The following FOXN3 variants were observed in gnomAD, a reference collection of about 807,000 sequenced individuals.
The protein encoded by FOXN3 is forkhead box protein N3.
Under a neutral mutation model 38.4 loss-of-function variants are expected in FOXN3, and 7 were observed. The ratio of observed to expected loss-of-function variants is 0.18; its 90% CI spans 0.10 to 0.34. The LOEUF is 0.34. FOXN3 is among the 10% of genes least tolerant of loss of function. The pLI, the probability that FOXN3 is intolerant of heterozygous loss-of-function variation, is 1.00. For missense variants in FOXN3, 456 were observed against 613.4 expected (o/e 0.74, Z 2.71); for synonymous variants, 230 against 242.2 (o/e 0.95, Z 0.47).
At chr14:89,450,088 C>T (rs1892585174) in intron 1 of FOXN3, among the ~76,000 whole-genome samples, 1 of 152,190 alleles carries the variant, frequency 6.6e-6, no homozygotes, top group Non-Finnish European at 1.5e-5. Flanking sequence ...AATGGCCCAT[C>T]CGCTCCATTT....
At chr14:89,549,205 G>T (rs1478518304) in intron 1 of FOXN3, among the ~76,000 whole-genome samples, 1 of 146,036 alleles carries the variant, frequency 6.8e-6, no homozygotes, top group Non-Finnish European at 1.5e-5. Context: ...CTCATGTGTT[G>T]TTTGAAAGGC....
At chr14:89,510,071 T>A (rs1433058527) in intron 1 of FOXN3, among the ~76,000 whole-genome samples, 2 of 152,146 alleles carry the variant, frequency 1.3e-5, no homozygotes, top group African/African-American at 4.8e-5. Flanking sequence ...CGGATAGATA[T>A]CAGCAGGCAG....
chr14:89,180,047 G>A (rs567541304), intron 5 of FOXN3, among the ~76,000 whole-genome samples: 9 of 152,342 alleles, frequency 5.9e-5, no homozygotes, highest in Middle Eastern at 3.4e-3. Context: ...AGCAGCTGGC[G>A]GATGGGAGGA....
At chr14:89,283,428 C>T (rs1313672377) in intron 3 of FOXN3, among the ~76,000 whole-genome samples, 1 of 152,142 alleles carries the variant, frequency 6.6e-6, no homozygotes, top group Non-Finnish European at 1.5e-5. Context: ...TGATTTTTTC[C>T]CCCCTCCATC....
intron 4 of FOXN3, among the ~76,000 whole-genome samples, chr14:89,213,175 C>A (rs1470037530): frequency 6.6e-6 from 1 of 152,224 alleles, no homozygotes; most frequent in African/African-American, 2.4e-5. Flanking sequence ...TCTCCCCCAA[C>A]CTTCCATACA....
At chr14:89,259,781 C>T (rs1006443131) in intron 4 of FOXN3, among the ~76,000 whole-genome samples, 3 of 152,186 alleles carry the variant, frequency 2.0e-5, no homozygotes, top group Admixed American at 1.3e-4. Context: ...GGTCAACTCC[C>T]CCGACAGAAA....
chr14:89,501,563 G>C (rs1237344420), intron 1 of FOXN3, among the ~76,000 whole-genome samples: 1 of 152,138 alleles, frequency 6.6e-6, no homozygotes, highest in Non-Finnish European at 1.5e-5. Flanking sequence ...TCATTTTAAA[G>C]GAAAAATCCA....
At chr14:89,199,740 TAAAAATTC>T (rs1219656768) in intron 4 of FOXN3, among the ~76,000 whole-genome samples, 1 of 152,038 alleles carries the variant, frequency 6.6e-6, no homozygotes, top group Non-Finnish European at 1.5e-5. Context: ...CCATCTCTAC[TAAAAATTC>T]AAAAAATTAG....
At chr14:89,372,941 G>T (rs2140057968) in intron 2 of FOXN3, among the ~76,000 whole-genome samples, 1 of 152,294 alleles carries the variant, frequency 6.6e-6, no homozygotes, top group Non-Finnish European at 1.5e-5. Flanking sequence ...CAAGGCGGAA[G>T]GATCGCTTGA....
At chr14:89,171,062 GA>G (rs71301967) in intron 5 of FOXN3, among the ~76,000 whole-genome samples, 4 of 151,242 alleles carry the variant, frequency 2.6e-5, no homozygotes, top group African/African-American at 9.7e-5. Flanking sequence ...TTGATTCTTT[GA>G]AAAAAAATCT....
intron 1 of FOXN3, among the ~76,000 whole-genome samples, chr14:89,557,488 C>A (rs1019075104): frequency 1.3e-5 from 2 of 152,120 alleles, no homozygotes; most frequent in Non-Finnish European, 2.9e-5. Context: ...AGACACCTAC[C>A]AGCACCACTA....
intron 1 of FOXN3, among the ~76,000 whole-genome samples, chr14:89,428,418 C>A (rs1443655967): frequency 6.6e-6 from 1 of 152,136 alleles, no homozygotes; most frequent in Non-Finnish European, 1.5e-5. Context: ...GACGTGACTG[C>A]ATGTGAGTAC....
intron 2 of FOXN3, among the ~76,000 whole-genome samples, chr14:89,396,987 G>A (rs1891116847): frequency 6.6e-6 from 1 of 151,850 alleles, no homozygotes; most frequent in Non-Finnish European, 1.5e-5. Flanking sequence ...TTTCTGGGCA[G>A]CAAGAATCTC....
intron 3 of FOXN3, among the ~76,000 whole-genome samples, chr14:89,299,574 C>T (rs192654295): frequency 7.5e-4 from 115 of 152,322 alleles, no homozygotes; most frequent in Admixed American, 4.8e-3. Context: ...TCCCCAAATA[C>T]GGAAGCCAAG....
chr14:89,401,647 A>C (rs1031246768), intron 2 of FOXN3: 4 of 455,852 alleles, frequency 8.8e-6, no homozygotes, highest in African/African-American at 2.0e-5. Context: ...CCACGATTAG[A>C]GTCAGCGCTC....
At chr14:89,307,172 G>GA (rs1481213713) in intron 3 of FOXN3, among the ~76,000 whole-genome samples, 1 of 152,216 alleles carries the variant, frequency 6.6e-6, no homozygotes, top group Non-Finnish European at 1.5e-5. Flanking sequence ...AAAATTTCCA[G>GA]AAAACAGTCC....
intron 5 of FOXN3, among the ~76,000 whole-genome samples, chr14:89,167,456 T>C (rs529430938): frequency 6.6e-6 from 1 of 152,326 alleles, no homozygotes; most frequent in African/African-American, 2.4e-5. Context: ...TCCCCAGGGA[T>C]TTAGTTGAGG....
intron 4 of FOXN3, among the ~76,000 whole-genome samples, chr14:89,268,059 C>T (rs1453663218): frequency 6.6e-6 from 1 of 152,108 alleles, no homozygotes; most frequent in Non-Finnish European, 1.5e-5. Context: ...CACACTTAAA[C>T]ATATATGCAC....
rs915225226 is a variant in FOXN3 at position 89,168,622 on chromosome 14, G to A, written c.852-5653C>T. On this transcript the variant is annotated intron_variant, in intron 5 of 5. Coordinates refer to ENST00000557258, the MANE Select transcript of FOXN3 (RefSeq NM_005197.4). Reference sequence around the variant, plus strand: ...ATATGGAAGAAAGGTTGGATGAGACGGAACACAGAAAGAAGAACCAACGGA... The same window carrying A: ...ATATGGAAGAAAGGTTGGATGAGACAGAACACAGAAAGAAGAACCAACGGA... Among the ~76,000 whole-genome samples the A allele has an allele frequency of 7.2e-5, 11 of 152,164 alleles. No individual in the cohort carries two copies. The East Asian group carries it at 1.7e-3, about 24-fold the overall frequency.
Sources: allele counts gnomAD v4.1 joint callset (sites outside exome capture counted in the v4.1 genomes callset), GRCh38; gene constraint gnomAD v4.1.1; transcripts MANE v1.5; gene names NCBI Gene and HGNC (gene_info 2026-07-23, HGNC 2026-07-21).